Variants in GRID2 observed in about 807,000 individuals in gnomAD.
GRID2 encodes glutamate receptor ionotropic, delta-2.
GRID2 carries 33 observed loss-of-function variants against 114.8 expected under a neutral mutation model. That is an observed-to-expected ratio of 0.29 (90% CI 0.22 to 0.38). The LOEUF (loss-of-function observed/expected upper bound fraction) is 0.38, where lower values mean the gene tolerates loss of function less well. GRID2 is among the 10% of genes least tolerant of loss of function. GRID2 has a pLI of 1.00. For missense variants in GRID2, 1,184 were observed against 1,257.7 expected (o/e 0.94, Z 0.89); for synonymous variants, 505 against 449.9 (o/e 1.12, Z -1.55).
intron 8 of GRID2, among the ~76,000 whole-genome samples, chr4:93,385,015 T>A (rs1764188154): frequency 6.6e-6 from 1 of 152,268 alleles, no homozygotes; most frequent in Non-Finnish European, 1.5e-5. Context: ...ATTGTTTAAA[T>A]GTTTGGAATA....
intron 13 of GRID2, among the ~76,000 whole-genome samples, chr4:93,556,482 T>G (rs1734325377): frequency 1.3e-5 from 2 of 152,026 alleles, no homozygotes; most frequent in African/African-American, 4.8e-5. Flanking sequence ...AATAGCTGAA[T>G]CAATCAAACA....
At chr4:93,180,183 A>G (rs1449050746) in intron 4 of GRID2, among the ~76,000 whole-genome samples, 1 of 152,086 alleles carries the variant, frequency 6.6e-6, no homozygotes, top group Non-Finnish European at 1.5e-5. Context: ...TTCACCAAAT[A>G]CAGGCATATT....
chr4:92,784,641 A>G (rs1178960343), intron 2 of GRID2, among the ~76,000 whole-genome samples: 1 of 151,944 alleles, frequency 6.6e-6, no homozygotes, highest in East Asian at 1.9e-4. Flanking sequence ...TTTGAAATAT[A>G]AGAAAGTCAA....
intron 13 of GRID2, among the ~76,000 whole-genome samples, chr4:93,613,686 C>T (rs1178462169): frequency 3.5e-5 from 5 of 141,798 alleles, no homozygotes; most frequent in African/African-American, 1.0e-4. Context: ...TCTCCAGCTG[C>T]TTGCTGGGAG....
rs191005329 is a variant in GRID2, at chr4:93,496,911, T to A, written c.1997+6134T>A. 1.1e-3 allele frequency among the ~76,000 whole-genome samples: 174 copies of A among 152,012 alleles called. 2 individuals carry two copies. Among genetic ancestry groups the A allele is most frequent in the Non-Finnish European group, 8.8e-5 (6 of 67,880 alleles). ...CATAAATGCCCAGGAATACAATTGC[T>A]CGGTCATGTGTTAAGTATATATTTG... On this transcript the variant is annotated intron_variant, in intron 12 of 15. Coordinates refer to ENST00000282020, the MANE Select transcript of GRID2 (RefSeq NM_001510.4).
chr4:92,667,869 T>C (rs1216874759), intron 2 of GRID2, among the ~76,000 whole-genome samples: 1 of 151,790 alleles, frequency 6.6e-6, no homozygotes, highest in Admixed American at 6.6e-5. Flanking sequence ...CAAGATATAG[T>C]TAAAATATAT....
chr4:93,673,014 A>G lies in GRID2; in HGVS notation c.2360+46579A>G, dbSNP rs144005375. On this transcript the variant is annotated intron_variant, in intron 14 of 15. Transcript: ENST00000282020. ...CTTTAAATAGCATAGAATACTATTTATCAGCGGTAGAACCAATTTAAATTA... is the reference window on the plus strand; with the variant it reads ...CTTTAAATAGCATAGAATACTATTTGTCAGCGGTAGAACCAATTTAAATTA... 6.5e-3 allele frequency among the ~76,000 whole-genome samples: 991 copies of G among 152,324 alleles called. 36 individuals carry two copies. Among genetic ancestry groups the G allele is most frequent in the Admixed American group, 0.06 (911 of 15,296 alleles).
chr4:92,820,840 CTTAAA>C (rs1741237569), intron 2 of GRID2, among the ~76,000 whole-genome samples: 3 of 151,996 alleles, frequency 2.0e-5, no homozygotes, highest in South Asian at 4.1e-4. Context: ...AATTAATAAT[CTTAAA>C]TTGTACAAAA....
intron 14 of GRID2, among the ~76,000 whole-genome samples, chr4:93,722,358 A>T: frequency 6.6e-6 from 1 of 152,188 alleles, no homozygotes; most frequent in East Asian, 1.9e-4. Context: ...ATTATTCAGA[A>T]TCATATCACT....
intron 2 of GRID2, among the ~76,000 whole-genome samples, chr4:93,073,726 G>A (rs115604190): frequency 6.6e-6 from 1 of 152,262 alleles, no homozygotes; most frequent in African/African-American, 2.4e-5. Context: ...AGACTCCTGG[G>A]AGCTGGTCAG....
chr4:92,904,716 A>G (rs1009239994), intron 2 of GRID2, among the ~76,000 whole-genome samples: 11 of 152,162 alleles, frequency 7.2e-5, no homozygotes, highest in African/African-American at 2.6e-4. Flanking sequence ...TAAGAAATGA[A>G]TGATGTGAAA....
At chr4:93,015,455 A>G in intron 2 of GRID2, among the ~76,000 whole-genome samples, 1 of 152,194 alleles carries the variant, frequency 6.6e-6, no homozygotes, top group East Asian at 1.9e-4. Context: ...TATGAAAGCT[A>G]TCCACATTTA....
intron 1 of GRID2, among the ~76,000 whole-genome samples, chr4:92,411,616 T>C (rs1731304591): frequency 7.0e-6 from 1 of 143,336 alleles, no homozygotes; most frequent in Non-Finnish European, 1.5e-5. Flanking sequence ...TATATATAGA[T>C]ATATATGCAT....
intron 1 of GRID2, among the ~76,000 whole-genome samples, chr4:92,389,615 A>G (rs988916314): frequency 6.6e-6 from 1 of 152,060 alleles, no homozygotes; most frequent in African/African-American, 2.4e-5. Context: ...ATTTCCTTCC[A>G]TCTAAGAGAA....
chr4:92,507,494 G>C (rs1202298301), intron 1 of GRID2, among the ~76,000 whole-genome samples: 1 of 150,954 alleles, frequency 6.6e-6, no homozygotes, highest in South Asian at 2.1e-4. Flanking sequence ...AAAACCTTTG[G>C]AATCCTCTCC....
intron 2 of GRID2, among the ~76,000 whole-genome samples, chr4:92,852,123 C>T (rs537741819): frequency 3.6e-4 from 54 of 151,874 alleles, no homozygotes; most frequent in African/African-American, 8.9e-4. Context: ...AAGACAATCT[C>T]GGGTAAGAGA....
At chr4:93,587,235 G>T (rs904902395) in intron 13 of GRID2, among the ~76,000 whole-genome samples, 3 of 151,944 alleles carry the variant, frequency 2.0e-5, no homozygotes, top group African/African-American at 7.3e-5. Flanking sequence ...TAGATGCACA[G>T]GATTACAAAG....
At position 93,309,120 on chromosome 4, in the gene GRID2, A is replaced by G. The variant is rs114015788; in HGVS notation, c.1245+70630A>G. ...ATATATTTATCATGTTGGTTTCCTG[A>G]ATCTCACATCAGACTGCAAGCTCCT... On this transcript the variant is annotated intron_variant, in intron 8 of 15. Coordinates refer to ENST00000282020, the MANE Select transcript of GRID2 (RefSeq NM_001510.4). 3.4e-3 allele frequency among the ~76,000 whole-genome samples: 514 copies of G among 152,304 alleles called. 6 individuals are homozygous for G. The highest frequency in any genetic ancestry group is 0.012 in the African/African-American group (492 of 41,542).
At chr4:92,738,010 G>A (rs1032876943) in intron 2 of GRID2, among the ~76,000 whole-genome samples, 5 of 152,014 alleles carry the variant, frequency 3.3e-5, no homozygotes, top group African/African-American at 1.2e-4. Flanking sequence ...GACATGATTT[G>A]AGGAAAGGTT....
Sources: allele counts gnomAD v4.1 joint callset (sites outside exome capture counted in the v4.1 genomes callset), GRCh38; gene constraint gnomAD v4.1.1; transcripts MANE v1.5; gene names NCBI Gene and HGNC (gene_info 2026-07-23, HGNC 2026-07-21).